Variants in KMT2E observed in about 807,000 individuals in gnomAD.
KMT2E encodes the protein histone reader KMT2E.
Under a neutral mutation model 184.6 loss-of-function variants are expected in KMT2E, and 30 were observed. That is an observed-to-expected ratio of 0.16 (90% CI 0.12 to 0.22). KMT2E has a LOEUF of 0.22. KMT2E is among the 10% of genes least tolerant of loss of function. The pLI is 1.00. For synonymous variants in KMT2E, 815 were observed against 776.5 expected (o/e 1.05, Z -0.82); for missense variants, 2,023 against 2,237.4 (o/e 0.90, Z 1.93).
At chr7:105,034,605 T>C (rs1795555554) in intron 1 of KMT2E, among the ~76,000 whole-genome samples, 1 of 151,988 alleles carries the variant, frequency 6.6e-6, no homozygotes, top group Admixed American at 6.6e-5. Flanking sequence ...CACTCATTTG[T>C]TTGTCTAGAT....
At chr7:105,080,600 C>T (rs1044740412) in intron 12 of KMT2E, among the ~76,000 whole-genome samples, 3 of 152,106 alleles carry the variant, frequency 2.0e-5, no homozygotes, top group African/African-American at 7.2e-5. Context: ...GCTTTTTAAC[C>T]TCAGTTTTAT....
chr7:105,111,667 C>CTT (rs1394353322), intron 26 of KMT2E, among the ~76,000 whole-genome samples, 158 bp from the exon 27 acceptor site: 6 of 152,114 alleles, frequency 3.9e-5, no homozygotes, highest in Non-Finnish European at 8.8e-5. Flanking sequence ...AAATATTGGC[C>CTT]TTTTAACATC....
At chr7:105,076,314 T>C (rs982380311) in intron 9 of KMT2E, among the ~76,000 whole-genome samples, 1 of 152,256 alleles carries the variant, frequency 6.6e-6, no homozygotes, top group Admixed American at 6.5e-5. Flanking sequence ...TCTAATTTTA[T>C]AATTTTGGGC....
chr7:105,023,229 C>T (rs554929604), intron 1 of KMT2E, among the ~76,000 whole-genome samples: 2 of 151,706 alleles, frequency 1.3e-5, no homozygotes, highest in Non-Finnish European at 2.9e-5. Flanking sequence ...TCCATTACCC[C>T]GTCTCTACTA....
rs771203226 is a variant in KMT2E at position 105,112,630 on chromosome 7, T to C, written c.4874T>C (p.Val1625Ala). 3.7e-6 allele frequency: 6 copies of C among 1,613,736 alleles called. No individual in the cohort carries two copies. Among genetic ancestry groups the C allele is most frequent in the Admixed American group, 1.7e-5 (1 of 59,986 alleles). ...PTIHHQTAAA[V>A]VPPPPPPPPA... Reference sequence around the variant, plus strand: ...ATTCACCATCAAACTGCTGCTGCCGTAGTCCCCCCTCCTCCTCCACCACCA... The same window carrying C: ...ATTCACCATCAAACTGCTGCTGCCGCAGTCCCCCCTCCTCCTCCACCACCA... The change falls in exon 27 of 27, where the codon GTA (valine) becomes GCA (alanine). Residue 1625 changes from valine to alanine, a missense_variant. Physicochemically the swap from Val to Ala is moderately conservative, Grantham distance 64 (BLOSUM62 0). Around this residue, in one of 8 missense-constraint regions of KMT2E, gnomAD observed 1,108 missense variants for 1,050.9 expected, o/e 1.05. Coordinates refer to ENST00000311117, the MANE Select transcript of KMT2E (RefSeq NM_182931.3).
chr7:105,113,292 C>CCAA lies in KMT2E; in HGVS notation c.5539_5541dup (p.Thr1847dup). 6.2e-7 allele frequency: 1 copy of CCAA among 1,613,496 alleles called. No individual in the cohort carries two copies. The highest frequency in any genetic ancestry group is 8.5e-7 in the Non-Finnish European group (1 of 1,179,500). On this transcript the variant is annotated inframe_insertion, in exon 27 of 27. Coordinates refer to ENST00000311117, the MANE Select transcript of KMT2E (RefSeq NM_182931.3). ...TCCAATTCACAGAGCACAGGTGCCACCAACATTTCAAAACAATTACCATGG... is the reference window on the plus strand; with the variant it reads ...TCCAATTCACAGAGCACAGGTGCCACCAACAACATTTCAAAACAATTACCATGG...
chr7:105,057,614 G>T (rs1218945191), intron 3 of KMT2E, among the ~76,000 whole-genome samples: 5 of 151,934 alleles, frequency 3.3e-5, no homozygotes, highest in Admixed American at 6.6e-5. Context: ...ACCATGCCCA[G>T]CTAATTTTTT....
intron 15 of KMT2E, among the ~76,000 whole-genome samples, chr7:105,097,414 C>T (rs983325340): frequency 1.3e-5 from 2 of 152,064 alleles, no homozygotes; most frequent in Non-Finnish European, 2.9e-5. Context: ...GAGACGGAGT[C>T]ACACTCCGTT....
chr7:105,066,918 A>G (rs1797049011), intron 6 of KMT2E, 111 bp downstream of exon 6: 1 of 769,468 alleles, frequency 1.3e-6, no homozygotes, highest in Non-Finnish European at 2.2e-6. Context: ...ACAGCCGGGC[A>G]TGGTGGCTCA....
At chr7:105,049,521 C>T (rs1440849293) in intron 3 of KMT2E, among the ~76,000 whole-genome samples, 1 of 151,982 alleles carries the variant, frequency 6.6e-6, no homozygotes, top group Non-Finnish European at 1.5e-5. Flanking sequence ...ATGCCAGCTA[C>T]TGTTTTGGGT....
At chr7:105,086,282 C>G (rs932606457) in intron 13 of KMT2E, among the ~76,000 whole-genome samples, 1 of 152,152 alleles carries the variant, frequency 6.6e-6, no homozygotes, top group African/African-American at 2.4e-5. Context: ...TGTACATGTT[C>G]TCTCCATGGT....
At chr7:105,058,414 T>G (rs1005694175) in intron 3 of KMT2E, among the ~76,000 whole-genome samples, 2 of 152,200 alleles carry the variant, frequency 1.3e-5, no homozygotes, top group Non-Finnish European at 2.9e-5. Context: ...TTAGCATCCA[T>G]GGTTATTTGT....
At chr7:105,108,673 C>T in intron 22 of KMT2E, 1 of 446,014 alleles carries the variant, frequency 2.2e-6, no homozygotes, top group Admixed American at 3.2e-5. Flanking sequence ...GTGAGTTACT[C>T]AATTTCCTCA....
intron 3 of KMT2E, among the ~76,000 whole-genome samples, chr7:105,052,963 T>G (rs923172826): frequency 6.6e-6 from 1 of 152,144 alleles, no homozygotes; most frequent in African/African-American, 2.4e-5. Flanking sequence ...TAACTATACT[T>G]CAGTTGTTAA....
intron 3 of KMT2E, among the ~76,000 whole-genome samples, chr7:105,059,103 A>G (rs912985695): frequency 6.6e-6 from 1 of 152,184 alleles, no homozygotes. Context: ...ACTTCTGTAA[A>G]TAATTATGAA....
chr7:105,114,699 GAAAGT>G lies in KMT2E; in HGVS notation c.*1370_*1374del, dbSNP rs1187155678. The stretch of plus-strand genomic sequence containing the variant: ...CAGGATACAAATTCTGTGCATCAGA[GAAAGT>G]AAACACTAAAATGACTGCGTGACCT... On this transcript the variant is annotated 3_prime_UTR_variant, in exon 27 of 27. Transcript: ENST00000311117. Among the ~76,000 whole-genome samples, 2 of 152,152 alleles carry G rather than the reference GAAAGT, an allele frequency of 1.3e-5. No individual in the cohort carries two copies. The highest frequency in any genetic ancestry group is 2.9e-5 in the Non-Finnish European group (2 of 68,028).
At chr7:105,076,872 TTGTGTGTGTGTGTGTGTGTGTGTGTG>T (rs10598888) in intron 9 of KMT2E, 65 bp from the exon 10 acceptor site, 139 of 632,280 alleles carry the variant, frequency 2.2e-4, no homozygotes, top group East Asian at 8.3e-4. Context: ...GCCGTTAATT[TTGTGTGTGTGTGTGTGTGTGTGTGTG>T]TGTGTGTGTG....
chr7:105,091,924 TG>T (rs1584785340), intron 15 of KMT2E, among the ~76,000 whole-genome samples: 1 of 152,362 alleles, frequency 6.6e-6, no homozygotes, highest in African/African-American at 2.4e-5. Context: ...ATTTAGCATT[TG>T]ATATATCAGC....
At chr7:105,035,592 CTTTA>C (rs562443240) in intron 1 of KMT2E, among the ~76,000 whole-genome samples, 11 of 151,192 alleles carry the variant, frequency 7.3e-5, no homozygotes, top group Non-Finnish European at 5.9e-5. Flanking sequence ...TATTTTCTTG[CTTTA>C]TTTATTTATT....
Sources: allele counts gnomAD v4.1 joint callset (sites outside exome capture counted in the v4.1 genomes callset), GRCh38; gene constraint gnomAD v4.1.1; regional missense constraint gnomAD v4.1.1; transcripts MANE v1.5; gene names NCBI Gene and HGNC (gene_info 2026-07-23, HGNC 2026-07-21).